The following SFSWAP variants were observed in gnomAD, a reference collection of about 807,000 sequenced individuals.
The protein encoded by SFSWAP is splicing factor SWAP.
In SFSWAP, 17 loss-of-function variants were observed where a neutral mutation model predicts 100.7. The ratio of observed to expected loss-of-function variants is 0.17; its 90% CI spans 0.12 to 0.25. The LOEUF (loss-of-function observed/expected upper bound fraction) is 0.25. Among genes scored for constraint, SFSWAP ranks in the 10% least tolerant of loss-of-function variants. The pLI is 1.00. For synonymous variants in SFSWAP, 504 were observed against 510.1 expected, an observed-to-expected ratio of 0.99 and a Z score of 0.16; for missense variants, 1,005 against 1,262.6, an observed-to-expected ratio of 0.80 and a Z score of 3.09.
intron 3 of SFSWAP, among the ~76,000 whole-genome samples, chr12:131,717,467 G>T (rs187679551): frequency 1.6e-4 from 25 of 152,176 alleles, no homozygotes; most frequent in African/African-American, 5.3e-4. Flanking sequence ...TAAACAAAAG[G>T]TTATTTGAAT....
chr12:131,783,991 A>G (rs1000317941), intron 14 of SFSWAP: 11 of 151,598 alleles, frequency 7.3e-5, no homozygotes, highest in Admixed American at 7.2e-4. Context: ...TTTACCCACA[A>G]TAAATTGCAT....
Position 131,714,633 on chromosome 12 carries a change from G to T in SFSWAP, c.389-189G>T, listed in dbSNP as rs766101926. 1 of 593,502 alleles carries T rather than the reference G, an allele frequency of 1.7e-6. No individual in the cohort carries two copies. The highest frequency in any genetic ancestry group is 2.9e-6 in the Non-Finnish European group (1 of 343,194). 36.8% of individuals were successfully genotyped at this position (593,502 alleles called of 1,614,324 possible). On this transcript the variant is annotated intron_variant, in intron 2 of 17. Transcript: ENST00000261674. The surrounding 1 kb of genome is among the most constrained non-coding windows in gnomAD (Gnocchi z 6.0). Reference sequence around the variant, plus strand: ...AAAGACGTGTATTCAGCTGTCTGTGGGTAAACATGTACTGACAAAAGTACA... The same window carrying T: ...AAAGACGTGTATTCAGCTGTCTGTGTGTAAACATGTACTGACAAAAGTACA...
chr12:131,796,022 GGGAGGGGAGGGGAGGGGAGCGGA>G (rs1885638775), intron 15 of SFSWAP: 7 of 5,536 alleles, frequency 1.3e-3, no homozygotes, highest in Non-Finnish European at 2.9e-3. Flanking sequence ...AGGGGAGAGG[GGGAGGGGAGGGGAGGGGAGCGGA>G]GAGGGGGAGG....
rs1178402846 is a variant in SFSWAP, at chr12:131,794,074, T to C, written c.2535-3104T>C. 1.3e-5 allele frequency among the ~76,000 whole-genome samples: 2 copies of C among 152,222 alleles called. No individual in the cohort carries two copies. The highest frequency in any genetic ancestry group is 2.4e-5 in the African/African-American group (1 of 41,462). The stretch of plus-strand genomic sequence containing the variant: ...CAACATTTAACCAAAAACACTTTGA[T>C]TCATAATTACCGAAAACTGGAAACA... On this transcript the variant is annotated intron_variant, in intron 15 of 17. Transcript: ENST00000261674. This position sits in a 1 kb window ranked among gnomAD's most constrained non-coding sequence, Gnocchi z 4.8.
chr12:131,745,803 A>G (rs1259373877), intron 7 of SFSWAP, among the ~76,000 whole-genome samples: 2 of 150,440 alleles, frequency 1.3e-5, no homozygotes, highest in African/African-American at 4.9e-5. Flanking sequence ...AGAATTTTAC[A>G]TTAAATAGTG....
intron 14 of SFSWAP, chr12:131,784,086 G>A (rs1884720682): frequency 1.3e-5 from 2 of 152,138 alleles, no homozygotes; most frequent in Admixed American, 1.3e-4. Context: ...CCAAGTGGTA[G>A]TGTTGATCAT....
At chr12:131,749,644 T>C (rs945734855) in intron 7 of SFSWAP, among the ~76,000 whole-genome samples, 3 of 152,214 alleles carry the variant, frequency 2.0e-5, no homozygotes, top group African/African-American at 7.2e-5. Context: ...AGCAGCTTCA[T>C]GGTCACTGCA....
Position 131,725,946 on chromosome 12 carries a change from A to G in SFSWAP, c.832+316A>G, listed in dbSNP as rs1454753556. Among the ~76,000 whole-genome samples the G allele has an allele frequency of 1.3e-5, 2 of 152,162 alleles. No individual in the cohort carries two copies. The highest frequency in any genetic ancestry group is 3.8e-4 in the East Asian group (2 of 5,198). ...TTTGCCCACTTAACATTTCATAGAG[A>G]AAACAGTTATATATCCTCTCTTGGA... is the stretch of plus-strand genomic sequence containing the variant. On this transcript the variant is annotated intron_variant, in intron 5 of 17. Coordinates refer to ENST00000261674, the MANE Select transcript of SFSWAP (RefSeq NM_004592.4). This position sits in a 1 kb window ranked among gnomAD's most constrained non-coding sequence, Gnocchi z 4.3.
chr12:131,753,245 G>C lies in SFSWAP; in HGVS notation c.1204G>C (p.Val402Leu). 6.2e-7 allele frequency: 1 copy of C among 1,614,184 alleles called. No homozygotes were observed. The highest frequency in any genetic ancestry group is 8.5e-7 in the Non-Finnish European group (1 of 1,180,022). The change falls in exon 8 of 18, where the codon GTG becomes CTG. Residue 402 changes from valine to leucine, a missense_variant. By Grantham distance (32) the Val-to-Leu change is conservative. Around this residue, in one of 7 missense-constraint regions of SFSWAP, gnomAD observed 311 missense variants for 317.8 expected, o/e 0.98. Transcript: ENST00000261674. ...YYSTLPAGVT[V>L]SNSPGVTTTA... Reference sequence around the variant, plus strand: ...CAGCACCCTTCCTGCTGGCGTGACCGTGTCTAACTCCCCTGGAGTGACGAC... The same window carrying C: ...CAGCACCCTTCCTGCTGGCGTGACCCTGTCTAACTCCCCTGGAGTGACGAC...
chr12:131,716,825 G>A (rs1027034160), intron 3 of SFSWAP, among the ~76,000 whole-genome samples: 2 of 152,056 alleles, frequency 1.3e-5, no homozygotes, highest in African/African-American at 4.8e-5. Flanking sequence ...CCATTGTCTC[G>A]GCGTAATTAT....
chr12:131,782,299 C>G (rs1346634541), intron 14 of SFSWAP, among the ~76,000 whole-genome samples: 2 of 152,192 alleles, frequency 1.3e-5, no homozygotes, highest in Admixed American at 1.3e-4. Flanking sequence ...CATCCAAGCT[C>G]TGCCAGCAAT....
chr12:131,774,003 C>G (rs1056749706), intron 13 of SFSWAP, among the ~76,000 whole-genome samples: 8 of 152,222 alleles, frequency 5.3e-5, no homozygotes, highest in Non-Finnish European at 1.0e-4. Flanking sequence ...AAGACACTTT[C>G]TCAGGCAGAA....
intron 11 of SFSWAP, among the ~76,000 whole-genome samples, chr12:131,759,652 T>A (rs1301234349): frequency 1.3e-5 from 2 of 148,748 alleles, no homozygotes; most frequent in African/African-American, 5.0e-5. Context: ...AAAAAAAAAA[T>A]TAGCCGGGCG....
At chr12:131,788,523 T>C (rs1885043707) in intron 15 of SFSWAP, among the ~76,000 whole-genome samples, 1 of 151,924 alleles carries the variant, frequency 6.6e-6, no homozygotes, top group Admixed American at 6.6e-5. Flanking sequence ...TTGTTTTCTT[T>C]TGGGGGCGTT....
At chr12:131,791,750 AAAAG>A (rs775282719) in intron 15 of SFSWAP, among the ~76,000 whole-genome samples, 138 of 152,354 alleles carry the variant, frequency 9.1e-4, no homozygotes, top group Middle Eastern at 3.4e-3. Context: ...TCAAAAAACA[AAAAG>A]AAAGAAAGAA....
intron 9 of SFSWAP, among the ~76,000 whole-genome samples, chr12:131,755,059 TA>T (rs1882031690): frequency 6.6e-6 from 1 of 152,198 alleles, no homozygotes; most frequent in South Asian, 2.1e-4. Flanking sequence ...CTACCTAAAA[TA>T]AAAGCCTATA....
At chr12:131,760,319 T>C (rs1287589440) in intron 11 of SFSWAP, among the ~76,000 whole-genome samples, 1 of 152,118 alleles carries the variant, frequency 6.6e-6, no homozygotes. Context: ...TAGAAAGAGC[T>C]TTTATAAATC....
At chr12:131,752,669 G>C (rs911088255) in intron 7 of SFSWAP, among the ~76,000 whole-genome samples, 1 of 152,240 alleles carries the variant, frequency 6.6e-6, no homozygotes, top group Non-Finnish European at 1.5e-5. Flanking sequence ...GGAGCAGCGT[G>C]CCTGGGGAAT....
chr12:131,726,838 A>T, intron 5 of SFSWAP, 102 bp from the exon 6 acceptor site: 1 of 750,358 alleles, frequency 1.3e-6, no homozygotes. Context: ...TTTTTTCGAC[A>T]GATAACCAAG....
Sources: allele counts gnomAD v4.1 joint callset (sites outside exome capture counted in the v4.1 genomes callset), GRCh38; gene constraint gnomAD v4.1.1; regional missense constraint gnomAD v4.1.1; non-coding constraint Gnocchi (gnomAD v3.1); transcripts MANE v1.5; gene names NCBI Gene and HGNC (gene_info 2026-07-23, HGNC 2026-07-21).